The following FBXO25 variants were observed in gnomAD, a reference collection of about 807,000 sequenced individuals.
FBXO25 encodes the protein F-box protein 25, also known as F-box only protein 25.
In FBXO25, 45 loss-of-function variants were observed where a neutral mutation model predicts 51.9. That is an observed-to-expected ratio of 0.87 (90% CI 0.68 to 1.11). FBXO25 has a LOEUF of 1.11. Among genes scored for constraint, FBXO25 ranks in the 50% most tolerant of loss-of-function variants. The pLI, the probability that FBXO25 is intolerant of heterozygous loss-of-function variation, is 0.00. For missense variants in FBXO25, 507 were observed against 428.5 expected (o/e 1.18, Z -1.62); for synonymous variants, 199 against 151.0 (o/e 1.32, Z -2.33).
chr8:440,344 T>G (rs1798351358), intron 5 of FBXO25, among the ~76,000 whole-genome samples: 1 of 152,208 alleles, frequency 6.6e-6, no homozygotes, highest in African/African-American at 2.4e-5. Context: ...TGAGGAGGAT[T>G]TAGGCAGAGG....
chr8:468,751 A>G lies in FBXO25; in HGVS notation c.1024A>G (p.Ser342Gly). ...CCCCTGCACGGCGGCCGACCCTGAC[A>G]GCTGCTTCACGCCTGTGTCTCCGCA... ...GHPCTAADPD[S>G]CFTPVSPQHF... is the part of the protein sequence containing the mutation. Residue 342 changes from serine (S) to glycine (G), a missense_variant, in exon 10 of 10, where the codon AGC becomes GGC. By Grantham distance (56) the Ser-to-Gly change is moderately conservative. Transcript: ENST00000350302. The G allele has an allele frequency of 6.2e-7, 1 of 1,613,966 alleles. No homozygotes were observed. The highest frequency in any genetic ancestry group is 8.5e-7 in the Non-Finnish European group (1 of 1,180,006).
chr8:460,456 A>G (rs968055627), intron 8 of FBXO25, among the ~76,000 whole-genome samples: 2 of 152,168 alleles, frequency 1.3e-5, no homozygotes, highest in African/African-American at 4.8e-5. Context: ...AAGGCCCTGA[A>G]AAAAAAAGCA....
At chr8:435,230 A>G (rs894157062) in intron 4 of FBXO25, among the ~76,000 whole-genome samples, 1 of 152,178 alleles carries the variant, frequency 6.6e-6, no homozygotes, top group African/African-American at 2.4e-5. Flanking sequence ...CTTACAATGC[A>G]GTTAATCAGG....
chr8:426,870 G>T lies in FBXO25; in HGVS notation c.135-4471G>T, dbSNP rs572526505. On this transcript the variant is annotated intron_variant, in intron 2 of 9. Coordinates refer to ENST00000350302, the MANE Select transcript of FBXO25 (RefSeq NM_183420.2). ...TGCTCCCTTCATGTAAGAAGGGTGT[G>T]TTAAGAGTCCGTAAGTGTGTCGTGT... Among the ~76,000 whole-genome samples, 9 of 151,910 alleles carry T rather than the reference G, an allele frequency of 5.9e-5. No individual in the cohort carries two copies. In the South Asian group the frequency reaches 1.9e-3, roughly 32 times the overall value.
chr8:455,277 G>T (rs1368379193), intron 7 of FBXO25, among the ~76,000 whole-genome samples: 1 of 152,210 alleles, frequency 6.6e-6, no homozygotes, highest in Non-Finnish European at 1.5e-5. Flanking sequence ...GTCCCCTTCA[G>T]TGCCAGGCAG....
intron 9 of FBXO25, 42 bp from the exon 10 acceptor site, chr8:468,673 G>T: frequency 6.5e-7 from 1 of 1,527,770 alleles, no homozygotes; most frequent in Non-Finnish European, 9.0e-7. Flanking sequence ...GAGTGTGGCT[G>T]GTGGTGGGGC....
intron 1 of FBXO25, among the ~76,000 whole-genome samples, chr8:409,408 T>G (rs544186399): frequency 6.6e-6 from 1 of 152,334 alleles, no homozygotes; most frequent in Admixed American, 6.5e-5. Context: ...CTTTCAACCC[T>G]TAAAAAATCA....
chr8:408,702 A>G (rs1452678000), intron 1 of FBXO25, among the ~76,000 whole-genome samples: 1 of 152,240 alleles, frequency 6.6e-6, no homozygotes, highest in Non-Finnish European at 1.5e-5. Flanking sequence ...TCTCATGCCA[A>G]GAGTTTCCAC....
rs748374614 is a variant in FBXO25 at position 463,168 on chromosome 8, C to G, written c.987+18C>G. ...TTTGGAAGGTACTGATTTAAATGCA[C>G]TCTTGGAATTTCAGGATTAAATTTT... On this transcript the variant is annotated intron_variant, in intron 9 of 9. Coordinates refer to ENST00000350302, the MANE Select transcript of FBXO25 (RefSeq NM_183420.2). The G allele has an allele frequency of 1.1e-5, 17 of 1,602,044 alleles. No individual in the cohort carries two copies. In the South Asian group the frequency reaches 1.8e-4, roughly 17 times the overall value.
chr8:420,044 A>G (rs1417680386), intron 2 of FBXO25, among the ~76,000 whole-genome samples: 1 of 152,152 alleles, frequency 6.6e-6, no homozygotes, highest in Non-Finnish European at 1.5e-5. Context: ...GTGATGCCCA[A>G]CTTAATTTAT....
intron 5 of FBXO25, among the ~76,000 whole-genome samples, chr8:444,662 G>T (rs540987274): frequency 6.6e-6 from 1 of 152,054 alleles, no homozygotes; most frequent in Non-Finnish European, 1.5e-5. Flanking sequence ...GAGGAGATAC[G>T]CAGTCATGCA....
At chr8:451,565 C>G (rs1799098671) in intron 7 of FBXO25, 112 bp downstream of exon 7, 1 of 1,004,916 alleles carries the variant, frequency 1.0e-6, no homozygotes, top group Middle Eastern at 2.5e-4. Flanking sequence ...TTTTCTAATG[C>G]TTTCATAAGT....
At chr8:456,245 T>A (rs1338729801) in intron 7 of FBXO25, among the ~76,000 whole-genome samples, 2 of 152,202 alleles carry the variant, frequency 1.3e-5, no homozygotes, top group Admixed American at 6.5e-5. Flanking sequence ...GGTCTTGCTC[T>A]GTTGCCCAGG....
chr8:453,060 G>A (rs1799193210), intron 7 of FBXO25, among the ~76,000 whole-genome samples: 1 of 152,218 alleles, frequency 6.6e-6, no homozygotes. Flanking sequence ...GGTTCTTACA[G>A]CCCTGGTAGG....
rs929947803 is a variant in FBXO25 at position 472,500 on chromosome 8, G to GACCCCC, written c.*3708_*3713dup. ...TGTATCCACGGGGGATTGGTTCCAA[G>GACCCCC]ACCCCCACCCCCACCCCACCTGCCA... On this transcript the variant is annotated 3_prime_UTR_variant, in exon 10 of 10. Coordinates refer to ENST00000350302, the MANE Select transcript of FBXO25 (RefSeq NM_183420.2). 6.6e-6 allele frequency: 1 copy of GACCCCC among 152,150 alleles called. No individual in the cohort carries two copies. The highest frequency in any genetic ancestry group is 1.5e-5 in the Non-Finnish European group (1 of 68,098). The allele number at this position is 152,150 out of a possible 1,614,324, so 9.4% of individuals were successfully genotyped here. A position where few individuals can be genotyped will look rare whatever the true frequency, so the allele number is the denominator to read the frequency against.
At chr8:464,492 T>C (rs1242399589) in intron 9 of FBXO25, among the ~76,000 whole-genome samples, 3 of 152,228 alleles carry the variant, frequency 2.0e-5, no homozygotes. Context: ...AAGAGTGGGC[T>C]GTCTCTGCCT....
intron 4 of FBXO25, among the ~76,000 whole-genome samples, chr8:433,565 T>G (rs1323652120): frequency 6.6e-6 from 1 of 152,196 alleles, no homozygotes; most frequent in African/African-American, 2.4e-5. Flanking sequence ...TTTTGCCAAG[T>G]TGGGCTAAAG....
At chr8:451,234 G>A in intron 6 of FBXO25, 35 bp from the exon 7 acceptor site, 1 of 1,558,282 alleles carries the variant, frequency 6.4e-7, no homozygotes, top group Non-Finnish European at 8.7e-7. Context: ...TTGCTTAACT[G>A]TATCAATCCA....
intron 7 of FBXO25, among the ~76,000 whole-genome samples, chr8:453,309 G>A (rs1005669011): frequency 6.6e-6 from 1 of 152,276 alleles, no homozygotes; most frequent in South Asian, 2.1e-4. Context: ...GTTGCATGCT[G>A]CCTGGCATCT....
Sources: gnomAD v4.1 joint callset for allele counts (sites outside exome capture counted in the v4.1 genomes callset) on GRCh38, gnomAD v4.1.1 for gene constraint, MANE v1.5 for transcripts, NCBI Gene and HGNC (gene_info 2026-07-23, HGNC 2026-07-21) for gene names.